Variants in SMAD3 observed in about 807,000 individuals in gnomAD.
The protein encoded by SMAD3 is MAD homolog 3.
SMAD3 carries 12 observed loss-of-function variants against 51.8 expected under a neutral mutation model. That is an observed-to-expected ratio of 0.23 (90% confidence interval 0.15 to 0.38). The LOEUF (loss-of-function observed/expected upper bound fraction) is 0.38, where lower values mean the gene tolerates loss of function less well. SMAD3 is among the 10% of genes least tolerant of loss of function. The pLI, the probability that SMAD3 is intolerant of heterozygous loss-of-function variation, is 1.00. For missense variants in SMAD3, 294 were observed against 565.6 expected (o/e 0.52, Z 4.87); for synonymous variants, 238 against 227.7 (o/e 1.05, Z -0.41).
intron 1 of SMAD3, among the ~76,000 whole-genome samples, chr15:67,148,899 G>A (rs1962050342): frequency 1.3e-5 from 2 of 152,182 alleles, no homozygotes; most frequent in Admixed American, 1.3e-4. Flanking sequence ...CATCCAGGAT[G>A]CAGGCAAAGT....
At chr15:67,124,011 A>G (rs866904032) in intron 1 of SMAD3, among the ~76,000 whole-genome samples, 8 of 152,280 alleles carry the variant, frequency 5.3e-5, no homozygotes, top group South Asian at 2.1e-4. Flanking sequence ...ATTTTTAGAC[A>G]GAGTCTCCCT....
At chr15:67,070,288 G>A (rs1960024993) in intron 1 of SMAD3, among the ~76,000 whole-genome samples, 1 of 152,140 alleles carries the variant, frequency 6.6e-6, no homozygotes, top group South Asian at 2.1e-4. Context: ...TCCACGTAGG[G>A]CCTGAGAAGA....
intron 1 of SMAD3, among the ~76,000 whole-genome samples, chr15:67,141,347 C>T (rs983361245): frequency 1.3e-5 from 2 of 152,202 alleles, no homozygotes; most frequent in African/African-American, 4.8e-5. Flanking sequence ...ACTCTTTATG[C>T]CCTGCACAGG....
intron 1 of SMAD3, among the ~76,000 whole-genome samples, chr15:67,094,546 T>C (rs1960575635): frequency 6.6e-6 from 1 of 152,188 alleles, no homozygotes. Context: ...GAGCAGGCCC[T>C]GATGAGTGTA....
chr15:67,165,208 C>A, intron 2 of SMAD3, 45 bp from the exon 3 acceptor site: 1 of 1,614,120 alleles, frequency 6.2e-7, no homozygotes, highest in South Asian at 1.1e-5. Flanking sequence ...TGGTGCTGGT[C>A]TGGCATCGAC....
Position 67,191,464 on chromosome 15 carries a change from T to C in SMAD3, c.*928T>C, listed in dbSNP as rs899144169. The C allele has an allele frequency of 1.3e-5, 3 of 233,450 alleles. No individual in the cohort carries two copies. The highest frequency in any genetic ancestry group is 3.6e-4 in the South Asian group (2 of 5,532). The allele number at this position is 233,450 out of a possible 1,614,324, so 14.5% of individuals were successfully genotyped here. A position where few individuals can be genotyped will look rare whatever the true frequency, so the allele number is the denominator to read the frequency against. On this transcript the variant is annotated 3_prime_UTR_variant, in exon 9 of 9. Coordinates refer to ENST00000327367, the MANE Select transcript of SMAD3 (RefSeq NM_005902.4). The stretch of plus-strand genomic sequence containing the variant: ...TGCTCCAGATTCTGATGCATACGGC[T>C]ATATTGGTTTATGTAGTCAGTTGCA...
intron 1 of SMAD3, among the ~76,000 whole-genome samples, chr15:67,127,621 C>T (rs1051475641): frequency 2.6e-5 from 4 of 152,202 alleles, no homozygotes; most frequent in African/African-American, 9.7e-5. Context: ...TTACATGTTC[C>T]GTGTCTTCTG....
intron 1 of SMAD3, among the ~76,000 whole-genome samples, chr15:67,135,824 G>A (rs1961646323): frequency 6.6e-6 from 1 of 152,208 alleles, no homozygotes; most frequent in African/African-American, 2.4e-5. Flanking sequence ...TTACGGGCAA[G>A]TGGTATTCTA....
At chr15:67,144,253 T>G (rs1334427331) in intron 1 of SMAD3, among the ~76,000 whole-genome samples, 3 of 152,192 alleles carry the variant, frequency 2.0e-5, no homozygotes, top group Admixed American at 6.5e-5. Flanking sequence ...TCATACTATA[T>G]GTATGACTTT....
intron 1 of SMAD3, chr15:67,137,965 T>C: frequency 8.2e-7 from 1 of 1,213,706 alleles, no homozygotes; most frequent in Non-Finnish European, 1.2e-6. Context: ...TAGGAAGGGC[T>C]GTATTGTCCT....
At chr15:67,098,903 G>A in intron 1 of SMAD3, 2 of 702,366 alleles carry the variant, frequency 2.8e-6, no homozygotes, top group Admixed American at 4.0e-5. Flanking sequence ...TCCTGAGGGG[G>A]CCAGTGTGGA....
At chr15:67,089,143 A>G (rs918890083) in intron 1 of SMAD3, among the ~76,000 whole-genome samples, 3 of 152,080 alleles carry the variant, frequency 2.0e-5, no homozygotes, top group African/African-American at 7.2e-5. Flanking sequence ...TGGGCCTTTA[A>G]AAAAGGGGTG....
chr15:67,120,051 C>T (rs1961224562), intron 1 of SMAD3, among the ~76,000 whole-genome samples: 1 of 152,236 alleles, frequency 6.6e-6, no homozygotes, highest in Non-Finnish European at 1.5e-5. Context: ...CCCACCTTGG[C>T]CTCCCAAAGT....
intron 5 of SMAD3, among the ~76,000 whole-genome samples, chr15:67,172,050 G>T (rs896550279): frequency 1.3e-4 from 20 of 152,336 alleles, no homozygotes; most frequent in African/African-American, 4.6e-4. Flanking sequence ...TCCCAGGGCA[G>T]GTTGGAGGTG....
At chr15:67,188,903 T>A (rs901167170) in intron 8 of SMAD3, among the ~76,000 whole-genome samples, 12 of 152,370 alleles carry the variant, frequency 7.9e-5, no homozygotes, top group Admixed American at 6.5e-4. Flanking sequence ...CTGCTGTTCT[T>A]CTGTGTCTGC....
intron 1 of SMAD3, among the ~76,000 whole-genome samples, chr15:67,125,419 G>A (rs142440283): frequency 0.017 from 2,606 of 152,360 alleles, 39 homozygotes; most frequent in Non-Finnish European, 0.027. Context: ...CAGTCCCAGT[G>A]AATGCATGGA....
intron 5 of SMAD3, among the ~76,000 whole-genome samples, chr15:67,176,906 G>A (rs187106490): frequency 1.4e-4 from 22 of 152,310 alleles, no homozygotes; most frequent in African/African-American, 2.6e-4. Context: ...AGGGAAGGCC[G>A]TGGGCACGTG....
At chr15:67,188,165 T>C (rs1963272959) in intron 8 of SMAD3, among the ~76,000 whole-genome samples, 1 of 148,326 alleles carries the variant, frequency 6.7e-6, no homozygotes, top group Non-Finnish European at 1.5e-5. Context: ...TTTTTTTTTT[T>C]TTTTGAGATG....
At chr15:67,173,217 GC>G (rs1172059535) in intron 5 of SMAD3, among the ~76,000 whole-genome samples, 1 of 152,104 alleles carries the variant, frequency 6.6e-6, no homozygotes, top group African/African-American at 2.4e-5. Flanking sequence ...GATGCTGGGG[GC>G]CAGAGCTGGG....
Sources: allele counts gnomAD v4.1 joint callset (sites outside exome capture counted in the v4.1 genomes callset), GRCh38; gene constraint gnomAD v4.1.1; transcripts MANE v1.5; gene names NCBI Gene and HGNC (gene_info 2026-07-23, HGNC 2026-07-21).